Variants in TOP1 observed in about 807,000 individuals in gnomAD.
TOP1 encodes the protein DNA topoisomerase 1.
TOP1 carries 10 observed loss-of-function variants against 111.1 expected under a neutral mutation model. That is an observed-to-expected ratio of 0.09 (90% CI 0.06 to 0.15). The LOEUF (loss-of-function observed/expected upper bound fraction) is 0.15. TOP1 is among the 10% of genes least tolerant of loss of function. TOP1 has a pLI of 1.00. For synonymous variants in TOP1, 271 were observed against 302.9 expected (o/e 0.89, Z 1.10); for missense variants, 474 against 926.7 (o/e 0.51, Z 6.34).
Position 41,028,907 on chromosome 20 carries a change from G to A in TOP1, c.-161G>A. On this transcript the variant is annotated 5_prime_UTR_variant, in exon 1 of 21. Coordinates refer to ENST00000361337, the MANE Select transcript of TOP1 (RefSeq NM_003286.4). Reference sequence around the variant, plus strand: ...GTCAGGCAGCGTCGCCGCCGTGGTAGCAGCCTCAGCCGTTTCTGGAGTCTC... The same window carrying A: ...GTCAGGCAGCGTCGCCGCCGTGGTAACAGCCTCAGCCGTTTCTGGAGTCTC... 1.7e-6 allele frequency: 1 copy of A among 587,648 alleles called. No homozygotes were observed. Among genetic ancestry groups the A allele is most frequent in the Non-Finnish European group, 2.9e-6 (1 of 339,382 alleles). 36.4% of individuals were successfully genotyped at this position (587,648 alleles called of 1,614,324 possible).
At chr20:41,066,107 G>T (rs1345811566) in intron 3 of TOP1, among the ~76,000 whole-genome samples, 2 of 152,130 alleles carry the variant, frequency 1.3e-5, no homozygotes, top group Non-Finnish European at 2.9e-5. Context: ...GAAGAAAGAG[G>T]TTAATATTTA....
At position 41,058,076 on chromosome 20, in the gene TOP1, A is replaced by G. The variant is rs982316481; in HGVS notation, c.59-3318A>G. ...ATTGAGTTCAAATCCTACTTCTGAC[A>G]CCATATGATATTATTTTTCCCATCT... On this transcript the variant is annotated intron_variant, in intron 2 of 20. Coordinates refer to ENST00000361337, the MANE Select transcript of TOP1 (RefSeq NM_003286.4). This position sits in a 1 kb window ranked among gnomAD's most constrained non-coding sequence, Gnocchi z 4.2. Among the ~76,000 whole-genome samples the G allele has an allele frequency of 2.6e-5, 4 of 152,162 alleles. No individual in the cohort carries two copies. Among genetic ancestry groups the G allele is most frequent in the Non-Finnish European group, 5.9e-5 (4 of 68,016 alleles).
At chr20:41,060,575 T>C (rs1433373728) in intron 2 of TOP1, among the ~76,000 whole-genome samples, 1 of 152,174 alleles carries the variant, frequency 6.6e-6, no homozygotes, top group Non-Finnish European at 1.5e-5. Flanking sequence ...TAAATCTTTA[T>C]TGTAGTGGGG....
At chr20:41,081,105 A>G (rs1469233346) in intron 6 of TOP1, 60 bp from the exon 7 acceptor site, 9 of 1,518,594 alleles carry the variant, frequency 5.9e-6, no homozygotes, top group South Asian at 1.3e-5. Flanking sequence ...TAGGTCTCCT[A>G]TGAGTGAGAA....
At chr20:41,042,536 A>T (rs2033280564) in intron 2 of TOP1, among the ~76,000 whole-genome samples, 1 of 152,236 alleles carries the variant, frequency 6.6e-6, no homozygotes, top group Non-Finnish European at 1.5e-5. Flanking sequence ...AATTTAGTGG[A>T]ATACTGAAAA....
In TOP1 at chr20:41,041,425, G is replaced by A. The variant is rs56220147; in HGVS notation, c.58+11970G>A. Among the ~76,000 whole-genome samples, 974 of 130,188 alleles carry A rather than the reference G, an allele frequency of 7.5e-3. 9 individuals are homozygous for A. Among genetic ancestry groups the A allele is most frequent in the African/African-American group, 0.029 (931 of 32,454 alleles). The allele number at this position is 130,188 out of a possible 152,430, so 85.4% of individuals were successfully genotyped here. A position where few individuals can be genotyped will look rare whatever the true frequency, so the allele number is the denominator to read the frequency against. On this transcript the variant is annotated intron_variant, in intron 2 of 20. Coordinates refer to ENST00000361337, the MANE Select transcript of TOP1 (RefSeq NM_003286.4). Reference sequence around the variant, plus strand: ...TGTTTGCCCTACTGTGCCCCAGAACGAGACCCTGTCTCAAAAAAAAAAAAA... The same window carrying A: ...TGTTTGCCCTACTGTGCCCCAGAACAAGACCCTGTCTCAAAAAAAAAAAAA...
intron 2 of TOP1, among the ~76,000 whole-genome samples, chr20:41,059,452 A>G (rs1196127010): frequency 3.4e-5 from 5 of 145,312 alleles, no homozygotes; most frequent in African/African-American, 1.3e-4. Context: ...AAATAAATAA[A>G]TAAATAAGGT....
chr20:41,104,268 G>A (rs1055287728), intron 13 of TOP1, among the ~76,000 whole-genome samples: 2 of 152,160 alleles, frequency 1.3e-5, no homozygotes, highest in Non-Finnish European at 2.9e-5. Context: ...TTGGAAACTC[G>A]TTACATAATT....
intron 8 of TOP1, among the ~76,000 whole-genome samples, chr20:41,086,388 T>C (rs946908876): frequency 8.5e-5 from 13 of 152,200 alleles, no homozygotes; most frequent in African/African-American, 3.1e-4. Context: ...AGAAATAAAG[T>C]GATTGTGTAA....
At position 41,098,144 on chromosome 20, in the gene TOP1, C is replaced by G; in HGVS notation, c.853-71C>G. 6.5e-7 allele frequency: 1 copy of G among 1,535,532 alleles called. No individual in the cohort carries two copies. The highest frequency in any genetic ancestry group is 9.0e-7 in the Non-Finnish European group (1 of 1,112,286). ...AAAAAATGGTGCTTGGGTGTATTTG[C>G]AAAGAAACCCAAGGACTTATTAGTG... On this transcript the variant is annotated intron_variant, in intron 10 of 20. Transcript: ENST00000361337. The surrounding 1 kb of genome is among the most constrained non-coding windows in gnomAD (Gnocchi z 5.7).
chr20:41,037,395 A>G (rs2122589967), intron 2 of TOP1, among the ~76,000 whole-genome samples: 1 of 152,314 alleles, frequency 6.6e-6, no homozygotes, highest in South Asian at 2.1e-4. Flanking sequence ...AAAGGCCACT[A>G]TTTTACTTCT....
chr20:41,038,222 C>T (rs911912624), intron 2 of TOP1, among the ~76,000 whole-genome samples: 4 of 152,058 alleles, frequency 2.6e-5, no homozygotes, highest in Non-Finnish European at 4.4e-5. Flanking sequence ...AATTTAAATT[C>T]GAGTTCTTGA....
rs2033084353 is a variant in TOP1, at chr20:41,029,313, C to A, written c.34-118C>A. The A allele has an allele frequency of 1.3e-5, 13 of 966,780 alleles. No individual in the cohort carries two copies. The South Asian group carries it at 2.2e-4, about 16-fold the overall frequency. The allele number at this position is 966,780 out of a possible 1,614,324, so 59.9% of individuals were successfully genotyped here. ...CAGGGATGGCTGCCCTCTGTGGCCA[C>A]CCCCGGGTCCCCGTCCTCCCCGGGG... On this transcript the variant is annotated intron_variant, in intron 1 of 20. Transcript: ENST00000361337. The surrounding 1 kb of genome is among the most constrained non-coding windows in gnomAD (Gnocchi z 6.1).
intron 3 of TOP1, chr20:41,072,653 T>TGG: frequency 1.0e-6 from 1 of 985,424 alleles, no homozygotes; most frequent in African/African-American, 1.7e-5. Flanking sequence ...CCTGCCGGTT[T>TGG]GGGGGTTATG....
At chr20:41,087,579 G>T (rs577257411) in intron 8 of TOP1, among the ~76,000 whole-genome samples, 1 of 152,176 alleles carries the variant, frequency 6.6e-6, no homozygotes, top group Non-Finnish European at 1.5e-5. Context: ...TAAATATATG[G>T]TCAATGATAG....
At chr20:41,037,648 A>G (rs936521841) in intron 2 of TOP1, among the ~76,000 whole-genome samples, 13 of 152,232 alleles carry the variant, frequency 8.5e-5, no homozygotes, top group Admixed American at 8.5e-4. Flanking sequence ...AAAAAATTTG[A>G]TAAAGTCAGT....
chr20:41,118,020 C>A lies in TOP1; in HGVS notation c.1823-149C>A. 1 of 838,960 alleles carries A rather than the reference C, an allele frequency of 1.2e-6. No homozygotes were observed. Among genetic ancestry groups the A allele is most frequent in the Non-Finnish European group, 1.8e-6 (1 of 564,252 alleles). 52.0% of individuals were successfully genotyped at this position (838,960 alleles called of 1,614,324 possible). A position where few individuals can be genotyped will look rare whatever the true frequency, so the allele number is the denominator to read the frequency against. The stretch of plus-strand genomic sequence containing the variant: ...TAAGACTGTTGACTCAAATTTTGAC[C>A]TTAGTCCTTGGGGGCAATTTGAATT... On this transcript the variant is annotated intron_variant, in intron 17 of 20. Coordinates refer to ENST00000361337, the MANE Select transcript of TOP1 (RefSeq NM_003286.4). This position sits in a 1 kb window ranked among gnomAD's most constrained non-coding sequence, Gnocchi z 4.6.
At chr20:41,036,924 A>G (rs917734120) in intron 2 of TOP1, among the ~76,000 whole-genome samples, 1 of 141,630 alleles carries the variant, frequency 7.1e-6, no homozygotes, top group African/African-American at 2.7e-5. Context: ...TCCGCCTCCC[A>G]GGTTCACGCC....
rs770132569 is a variant in TOP1, at chr20:41,092,649, T to G, written c.730+62T>G. 1 of 804,438 alleles carries G rather than the reference T, an allele frequency of 1.2e-6. No individual in the cohort carries two copies. The highest frequency in any genetic ancestry group is 2.0e-6 in the Non-Finnish European group (1 of 496,836). The allele number at this position is 804,438 out of a possible 1,614,324, so 49.8% of individuals were successfully genotyped here. The stretch of plus-strand genomic sequence containing the variant: ...AAAGAAATCTGCTTCTATTTAGGGA[T>G]AGAAAACAAGGAAGGATCCTATGTA... On this transcript the variant is annotated intron_variant, in intron 9 of 20. Transcript: ENST00000361337. The surrounding 1 kb of genome is among the most constrained non-coding windows in gnomAD (Gnocchi z 4.3).
Sources: gnomAD v4.1 joint callset for allele counts (sites outside exome capture counted in the v4.1 genomes callset) on GRCh38, gnomAD v4.1.1 for gene constraint, Gnocchi (gnomAD v3.1) non-coding constraint, MANE v1.5 for transcripts, NCBI Gene and HGNC (gene_info 2026-07-23, HGNC 2026-07-21) for gene names.